Variants in PRKCQ observed in about 807,000 individuals in gnomAD.
PRKCQ encodes protein kinase C theta type.
Under a neutral mutation model 91.2 loss-of-function variants are expected in PRKCQ, and 41 were observed. The ratio of observed to expected loss-of-function variants is 0.45; its 90% confidence interval spans 0.35 to 0.58. The LOEUF (loss-of-function observed/expected upper bound fraction) is 0.58. PRKCQ is among the 20% of genes least tolerant of loss of function. The pLI is 0.00. For synonymous variants in PRKCQ, 307 were observed against 316.9 expected (o/e 0.97, Z 0.33); for missense variants, 673 against 896.5 (o/e 0.75, Z 3.18).
chr10:6,404,386 CTTTCT>C, the PRKCQ span, among the ~76,000 whole-genome samples: 59,832 of 150,962 alleles, frequency 0.4, 13,292 homozygotes, highest in East Asian at 0.81. Context: ...TTCTTTCGTT[CTTTCT>C]TTTCTTTCTT....
intron 1 of PRKCQ, among the ~76,000 whole-genome samples, chr10:6,557,111 T>A (rs1238440398): frequency 6.6e-6 from 1 of 152,172 alleles, no homozygotes; most frequent in Non-Finnish European, 1.5e-5. Context: ...TCTAACAACT[T>A]CTGCCGTGGC....
chr10:6,502,715 G>C (rs1163564612), intron 4 of PRKCQ, among the ~76,000 whole-genome samples: 1 of 152,144 alleles, frequency 6.6e-6, no homozygotes, highest in Non-Finnish European at 1.5e-5. Context: ...ATATTGACTA[G>C]ACAACACGAA....
At chr10:6,501,277 A>T (rs1384116260) in intron 4 of PRKCQ, among the ~76,000 whole-genome samples, 1 of 152,082 alleles carries the variant, frequency 6.6e-6, no homozygotes, top group African/African-American at 2.4e-5. Context: ...AGGAGGTAAA[A>T]AGGTGAAAAA....
intron 1 of PRKCQ, among the ~76,000 whole-genome samples, chr10:6,532,936 C>T (rs1456882867): frequency 5.3e-5 from 8 of 152,132 alleles, no homozygotes; most frequent in Admixed American, 5.2e-4. Flanking sequence ...TTCTAATTTT[C>T]TATTTTTTTC....
the PRKCQ span, among the ~76,000 whole-genome samples, chr10:6,412,979 G>T: frequency 2.0e-5 from 3 of 151,990 alleles, no homozygotes; most frequent in African/African-American, 7.3e-5. Context: ...TTGAGACAGA[G>T]TCTCACTCTG....
chr10:6,432,786 C>A (rs1833487390), intron 16 of PRKCQ, among the ~76,000 whole-genome samples: 1 of 152,142 alleles, frequency 6.6e-6, no homozygotes, highest in Non-Finnish European at 1.5e-5. Flanking sequence ...CCCATTAGGA[C>A]CCTCTCCAGT....
intron 1 of PRKCQ, among the ~76,000 whole-genome samples, chr10:6,547,446 C>G (rs1429008787): frequency 3.9e-5 from 6 of 151,996 alleles, no homozygotes; most frequent in Admixed American, 1.3e-4. Flanking sequence ...GCCAAAAGAA[C>G]AAAGCTGGAG....
chr10:6,567,093 A>G (rs1310294399), intron 1 of PRKCQ, among the ~76,000 whole-genome samples: 3 of 152,184 alleles, frequency 2.0e-5, no homozygotes, highest in African/African-American at 7.2e-5. Flanking sequence ...TCTCAGGCTT[A>G]CTCAAGAGAC....
intron 1 of PRKCQ, among the ~76,000 whole-genome samples, chr10:6,527,096 C>T (rs185465394): frequency 6.6e-5 from 10 of 152,208 alleles, no homozygotes; most frequent in Non-Finnish European, 1.2e-4. Context: ...GGGAGCACTG[C>T]GGGAAGAACT....
chr10:6,430,784 C>A lies in PRKCQ; in HGVS notation c.1965+26G>T. The A allele has an allele frequency of 6.2e-7, 1 of 1,609,378 alleles. No individual in the cohort carries two copies. The highest frequency in any genetic ancestry group is 1.1e-5 in the South Asian group (1 of 90,330). On this transcript the variant is annotated intron_variant, in intron 17 of 17. Coordinates refer to ENST00000263125, the MANE Select transcript of PRKCQ (RefSeq NM_006257.5). The surrounding 1 kb of genome is among the most constrained non-coding windows in gnomAD (Gnocchi z 4.7). ...TGAGCGGAGGGAGAGTGGCTGACAC[C>A]AAGCGGCCCATGAGCGAGTCCTTAC... is the stretch of plus-strand genomic sequence containing the variant.
intron 1 of PRKCQ, among the ~76,000 whole-genome samples, chr10:6,568,184 C>T (rs1304984874): frequency 6.6e-6 from 1 of 151,964 alleles, no homozygotes; most frequent in East Asian, 1.9e-4. Context: ...CACTGCATTC[C>T]AGCCTGGGTG....
intron 16 of PRKCQ, among the ~76,000 whole-genome samples, chr10:6,431,559 C>T (rs1833431387): frequency 6.6e-6 from 1 of 152,200 alleles, no homozygotes; most frequent in African/African-American, 2.4e-5. Context: ...GGAACACATG[C>T]ACACACACGC....
chr10:6,405,067 T>A, the PRKCQ span, among the ~76,000 whole-genome samples: 2 of 151,874 alleles, frequency 1.3e-5, no homozygotes, highest in East Asian at 3.9e-4. Context: ...CTCACTGCAA[T>A]CTCTGCCTCC....
At chr10:6,399,481 C>T in the PRKCQ span, among the ~76,000 whole-genome samples, 2 of 149,192 alleles carry the variant, frequency 1.3e-5, no homozygotes, top group Non-Finnish European at 3.0e-5. Context: ...AAATTGCCCC[C>T]TTTTTTTTTT....
At chr10:6,394,425 G>C in the PRKCQ span, among the ~76,000 whole-genome samples, 1 of 152,332 alleles carries the variant, frequency 6.6e-6, no homozygotes, top group South Asian at 2.1e-4. Flanking sequence ...GTAGAAGGGG[G>C]AAGAATTAGA....
intron 4 of PRKCQ, among the ~76,000 whole-genome samples, chr10:6,503,702 T>C (rs2130837536): frequency 6.6e-6 from 1 of 152,260 alleles, no homozygotes; most frequent in African/African-American, 2.4e-5. Flanking sequence ...TCCTACCATT[T>C]TCCCAGTCTA....
At chr10:6,455,708 GC>G (rs1406244766) in intron 15 of PRKCQ, among the ~76,000 whole-genome samples, 1 of 152,166 alleles carries the variant, frequency 6.6e-6, no homozygotes, top group African/African-American at 2.4e-5. Flanking sequence ...AGAGAAGATG[GC>G]ATAGCACCAT....
intron 12 of PRKCQ, among the ~76,000 whole-genome samples, chr10:6,467,285 A>G (rs958506994): frequency 5.3e-5 from 8 of 150,578 alleles, no homozygotes; most frequent in Non-Finnish European, 8.9e-5. Flanking sequence ...GAGAGAGGAT[A>G]CCAAGCAGGC....
At chr10:6,579,427 CG>C (rs1479779594) in intron 1 of PRKCQ, among the ~76,000 whole-genome samples, 1 of 152,118 alleles carries the variant, frequency 6.6e-6, no homozygotes, top group Non-Finnish European at 1.5e-5. Context: ...CAGAAATGAC[CG>C]GAGTCTCCCA....
Sources: allele counts gnomAD v4.1 joint callset (sites outside exome capture counted in the v4.1 genomes callset), GRCh38; gene constraint gnomAD v4.1.1; non-coding constraint Gnocchi (gnomAD v3.1); transcripts MANE v1.5; gene names NCBI Gene and HGNC (gene_info 2026-07-23, HGNC 2026-07-21).